The following PLPPR5 variants were observed in gnomAD, a reference collection of about 807,000 sequenced individuals.
PLPPR5 encodes the protein phospholipid phosphatase-related protein type 5.
In PLPPR5, 16 loss-of-function variants were observed where a neutral mutation model predicts 33.9. That is an observed-to-expected ratio of 0.47 (90% CI 0.32 to 0.72). The LOEUF (loss-of-function observed/expected upper bound fraction) is 0.72. Ranked by LOEUF, PLPPR5 falls within the 30% of genes least tolerant of loss-of-function variation. PLPPR5 has a pLI of 0.03. For missense variants in PLPPR5, 301 were observed against 406.7 expected (o/e 0.74, Z 2.23); for synonymous variants, 163 against 150.3 (o/e 1.08, Z -0.62).
At chr1:98,912,214 G>A (rs1373258031) in intron 5 of PLPPR5, among the ~76,000 whole-genome samples, 2 of 152,132 alleles carry the variant, frequency 1.3e-5, no homozygotes, top group Non-Finnish European at 2.9e-5. Context: ...GCTTATCAAT[G>A]ATCTGGACTT....
intron 3 of PLPPR5, among the ~76,000 whole-genome samples, chr1:98,925,978 C>T (rs1649743259): frequency 6.6e-6 from 1 of 152,098 alleles, no homozygotes; most frequent in South Asian, 2.1e-4. Context: ...CAAGTCTAGG[C>T]TATTCATTGT....
intron 3 of PLPPR5, among the ~76,000 whole-genome samples, chr1:98,941,608 C>T (rs1650370794): frequency 2.0e-5 from 3 of 150,986 alleles, no homozygotes; most frequent in Admixed American, 2.0e-4. Flanking sequence ...GAAAATATTT[C>T]CCTATAATGT....
At chr1:98,966,735 G>A (rs1651463089) in intron 1 of PLPPR5, among the ~76,000 whole-genome samples, 1 of 152,158 alleles carries the variant, frequency 6.6e-6, no homozygotes, top group South Asian at 2.1e-4. Context: ...GGAGACCCCT[G>A]TTAAAATGCA....
intron 5 of PLPPR5, among the ~76,000 whole-genome samples, chr1:98,903,346 A>G (rs1557662934): frequency 6.6e-6 from 1 of 152,270 alleles, no homozygotes; most frequent in East Asian, 1.9e-4. Flanking sequence ...GCTCTGTAAA[A>G]CAAAGATTTG....
At chr1:98,904,869 G>C (rs1570683700) in intron 5 of PLPPR5, among the ~76,000 whole-genome samples, 1 of 152,140 alleles carries the variant, frequency 6.6e-6, no homozygotes, top group Non-Finnish European at 1.5e-5. Context: ...GGAGAGGGAT[G>C]GTTTTCTTAG....
chr1:98,983,830 C>T (rs11166151), intron 1 of PLPPR5, among the ~76,000 whole-genome samples: 40,172 of 143,146 alleles, frequency 0.28, 5,438 homozygotes, highest in East Asian at 0.42. Flanking sequence ...TTTGCATTTC[C>T]CTGATGGCCA....
At chr1:98,955,133 T>C (rs531440997) in intron 2 of PLPPR5, among the ~76,000 whole-genome samples, 11 of 152,216 alleles carry the variant, frequency 7.2e-5, no homozygotes, top group Admixed American at 2.0e-4. Context: ...AATGATGTAC[T>C]ATTATACAGT....
chr1:98,936,208 C>G (rs892678823), intron 3 of PLPPR5, among the ~76,000 whole-genome samples: 2 of 152,176 alleles, frequency 1.3e-5, no homozygotes, highest in Non-Finnish European at 2.9e-5. Context: ...TAGCACAGTA[C>G]TGGCATAAAT....
rs570093926 is a variant in PLPPR5 at position 98,914,698 on chromosome 1, A to G, written c.933+88T>C. ...CATTACACTAAGTAAATCAACATAA[A>G]CTGTGTGGACATGCTCCAGATATAC... On this transcript the variant is annotated intron_variant, in intron 5 of 5. Coordinates refer to ENST00000263177, the MANE Select transcript of PLPPR5 (RefSeq NM_001037317.2). The G allele has an allele frequency of 1.4e-4, 167 of 1,200,746 alleles. 1 individual carries two copies. The highest frequency in any genetic ancestry group is 1.4e-3 in the South Asian group (85 of 61,908). The allele number at this position is 1,200,746 out of a possible 1,614,324, so 74.4% of individuals were successfully genotyped here. A position where few individuals can be genotyped will look rare whatever the true frequency, so the allele number is the denominator to read the frequency against.
chr1:98,944,676 G>T (rs1457814794), intron 3 of PLPPR5, among the ~76,000 whole-genome samples: 1 of 152,224 alleles, frequency 6.6e-6, no homozygotes, highest in Non-Finnish European at 1.5e-5. Flanking sequence ...CTAAGATACT[G>T]GGTGGCATAC....
chr1:98,943,152 C>A (rs1196436129), intron 3 of PLPPR5, among the ~76,000 whole-genome samples: 1 of 152,136 alleles, frequency 6.6e-6, no homozygotes, highest in Non-Finnish European at 1.5e-5. Context: ...TAATATATAT[C>A]ATCCCAAGAA....
chr1:98,946,007 C>T (rs776266314), intron 3 of PLPPR5, among the ~76,000 whole-genome samples: 2 of 152,146 alleles, frequency 1.3e-5, no homozygotes, highest in Non-Finnish European at 2.9e-5. Context: ...TACTCCATTC[C>T]TCAGAAACTA....
chr1:98,964,822 GA>G (rs1651372148), intron 1 of PLPPR5, among the ~76,000 whole-genome samples: 1 of 152,012 alleles, frequency 6.6e-6, no homozygotes, highest in Non-Finnish European at 1.5e-5. Context: ...ATTTATTTTG[GA>G]AGCAGGATCT....
At chr1:98,964,222 C>T (rs1651354027) in intron 1 of PLPPR5, among the ~76,000 whole-genome samples, 1 of 152,214 alleles carries the variant, frequency 6.6e-6, no homozygotes, top group South Asian at 2.1e-4. Flanking sequence ...AACTTCCTTT[C>T]TTCTGTGAAC....
intron 3 of PLPPR5, among the ~76,000 whole-genome samples, chr1:98,933,004 T>C (rs1043297825): frequency 2.0e-5 from 3 of 152,170 alleles, no homozygotes; most frequent in Non-Finnish European, 4.4e-5. Flanking sequence ...GTACCGCCCA[T>C]TGATACCTCC....
chr1:98,907,741 T>A (rs181471627), intron 5 of PLPPR5, among the ~76,000 whole-genome samples: 20 of 152,312 alleles, frequency 1.3e-4, no homozygotes, highest in African/African-American at 3.6e-4. Context: ...AGGATGTAGT[T>A]TTATGTCATC....
At chr1:99,001,679 T>TATATATATAGATATATATATATATATAG (rs1652854914) in intron 1 of PLPPR5, among the ~76,000 whole-genome samples, 1 of 140,616 alleles carries the variant, frequency 7.1e-6, no homozygotes, top group Admixed American at 7.0e-5. Flanking sequence ...AAGATATATA[T>TATATATATAGATATATATATATATATAG]ATATATATAT....
intron 3 of PLPPR5, among the ~76,000 whole-genome samples, chr1:98,948,990 C>T (rs906205337): frequency 5.3e-5 from 8 of 151,996 alleles, no homozygotes; most frequent in Admixed American, 5.2e-4. Context: ...TGGAAGTGAC[C>T]CGAGGAGGTC....
intron 1 of PLPPR5, among the ~76,000 whole-genome samples, chr1:98,993,785 A>G (rs904834371): frequency 6.6e-6 from 1 of 152,046 alleles, no homozygotes; most frequent in African/African-American, 2.4e-5. Flanking sequence ...CCAATGTGAG[A>G]AAATGCTAAA....
Sources: allele counts gnomAD v4.1 joint callset (sites outside exome capture counted in the v4.1 genomes callset), GRCh38; gene constraint gnomAD v4.1.1; transcripts MANE v1.5; gene names NCBI Gene and HGNC (gene_info 2026-07-23, HGNC 2026-07-21).